Variants in TENM1 observed in about 807,000 individuals in gnomAD.
TENM1 encodes the protein teneurin transmembrane protein 1.
Under a neutral mutation model 174.8 loss-of-function variants are expected in TENM1, and 35 were observed. The observed-to-expected ratio is 0.20, with a 90% CI of 0.15 to 0.27. The LOEUF is 0.27. Ranked by LOEUF, TENM1 falls within the 10% of genes least tolerant of loss-of-function variation. TENM1 has a pLI of 1.00. For missense variants in TENM1, 1,633 were observed against 2,130.1 expected (o/e 0.77, Z 4.59); for synonymous variants, 781 against 798.7 (o/e 0.98, Z 0.37).
At chrX:124,819,848 C>T (rs1017553031) in intron 3 of TENM1, among the ~76,000 whole-genome samples, 1 of 107,180 alleles carries the variant, frequency 9.3e-6, no homozygotes, top group Non-Finnish European at 1.9e-5. Context: ...CTGGTTGGAG[C>T]GCAGTGGCAT....
At chrX:124,528,361 G>C (rs1216272921) in intron 16 of TENM1, among the ~76,000 whole-genome samples, 1 of 111,520 alleles carries the variant, frequency 9.0e-6, no homozygotes, top group African/African-American at 3.3e-5. Context: ...TTAGGTTCTT[G>C]TGTGAATATC....
chrX:124,496,850 G>T lies in TENM1; in HGVS notation c.3695+166C>A, dbSNP rs2047212384. On this transcript the variant is annotated intron_variant, in intron 20 of 31. Transcript: ENST00000422452. ...CTCAAAGGATCAATCCTTCAAGTAG[G>T]AAGAGTGAGCATGTTGACCTTTGTC... Among the ~76,000 whole-genome samples, 4 of 111,943 alleles carry T rather than the reference G, an allele frequency of 3.6e-5. 1 individual carries two copies. Among genetic ancestry groups the T allele is most frequent in the African/African-American group, 1.3e-4 (4 of 30,816 alleles).
intron 22 of TENM1, among the ~76,000 whole-genome samples, chrX:124,471,308 T>C (rs1359916700): frequency 2.7e-5 from 1 of 37,372 alleles, no homozygotes; most frequent in African/African-American, 1.2e-4. Flanking sequence ...TTATAATATA[T>C]AGTACTATAT....
chrX:124,968,081 G>T (rs1048566426), upstream of TENM1, among the ~76,000 whole-genome samples: 1 of 111,809 alleles, frequency 8.9e-6, no homozygotes, highest in Non-Finnish European at 1.9e-5. Flanking sequence ...AAATAAAAAT[G>T]GTTGCTGAGT....
intron 11 of TENM1, among the ~76,000 whole-genome samples, chrX:124,627,613 T>A (rs2050667401): frequency 8.9e-6 from 1 of 111,803 alleles, no homozygotes; most frequent in Non-Finnish European, 1.9e-5. Context: ...ACAGCACACA[T>A]GATTTTTTAA....
chrX:124,552,201 G>A (rs1036581072), intron 14 of TENM1, among the ~76,000 whole-genome samples: 1 of 111,660 alleles, frequency 9.0e-6, no homozygotes, highest in Non-Finnish European at 1.9e-5. Context: ...AAAATGGAAG[G>A]GCTGATCATT....
intron 3 of TENM1, among the ~76,000 whole-genome samples, chrX:124,818,787 C>A (rs1431656266): frequency 9.0e-6 from 1 of 110,877 alleles, no homozygotes; most frequent in Admixed American, 9.6e-5. Context: ...TGACTATAAC[C>A]CCATAGTGAG....
At chrX:124,379,304 TCTGC>T (rs1406356948) in exon 32 of TENM1, 1 of 112,229 alleles carries the variant, frequency 8.9e-6, no homozygotes, top group Non-Finnish European at 1.9e-5. Context: ...TAAAAATGAG[TCTGC>T]CTCTCTATAG....
chrX:124,590,427 T>C (rs948538100), intron 11 of TENM1, among the ~76,000 whole-genome samples: 6 of 109,930 alleles, frequency 5.5e-5, no homozygotes, highest in Admixed American at 2.9e-4. Flanking sequence ...TTACAAGGGA[T>C]GTGAAGGACC....
intron 4 of TENM1, among the ~76,000 whole-genome samples, chrX:124,709,764 A>G (rs1273379514): frequency 9.0e-6 from 1 of 110,931 alleles, no homozygotes. Context: ...CCTGGGCCCA[A>G]CAAATACTAT....
chrX:124,471,769 T>C (rs1256297484), intron 22 of TENM1, among the ~76,000 whole-genome samples: 1 of 96,422 alleles, frequency 1.0e-5, no homozygotes, highest in Non-Finnish European at 2.0e-5. Context: ...ACTTATATAA[T>C]ATACAATATA....
At chrX:124,683,593 C>A (rs1218318446) in intron 5 of TENM1, among the ~76,000 whole-genome samples, 1 of 111,819 alleles carries the variant, frequency 8.9e-6, no homozygotes, top group Non-Finnish European at 1.9e-5. Context: ...TCTGCAAAAT[C>A]TTTTTATAAT....
At chrX:124,577,506 T>C (rs941993566) in intron 11 of TENM1, among the ~76,000 whole-genome samples, 1 of 111,741 alleles carries the variant, frequency 8.9e-6, no homozygotes, top group Non-Finnish European at 1.9e-5. Flanking sequence ...TTTAAGACAT[T>C]TAGTTTTAAA....
intron 27 of TENM1, among the ~76,000 whole-genome samples, chrX:124,396,318 T>TTTTTTTTTTTTTTC (rs1569529045): frequency 9.8e-6 from 1 of 101,571 alleles, no homozygotes; most frequent in African/African-American, 3.7e-5. Flanking sequence ...TTTTTTTTTT[T>TTTTTTTTTTTTTTC]CGAGCCGGAG....
At chrX:124,605,624 T>C (rs1378028316) in intron 11 of TENM1, among the ~76,000 whole-genome samples, 1 of 111,739 alleles carries the variant, frequency 8.9e-6, no homozygotes, top group Non-Finnish European at 1.9e-5. Flanking sequence ...TGAGGACTAA[T>C]GTCACTTGTC....
At chrX:124,754,326 T>C (rs1333083402) in intron 3 of TENM1, among the ~76,000 whole-genome samples, 1 of 111,847 alleles carries the variant, frequency 8.9e-6, no homozygotes, top group Non-Finnish European at 1.9e-5. Context: ...GTGGGATTGG[T>C]GGTGACATCC....
At chrX:125,066,671 TTTA>T in the TENM1 span, among the ~76,000 whole-genome samples, 2 of 111,854 alleles carry the variant, frequency 1.8e-5, no homozygotes, top group African/African-American at 6.5e-5. Flanking sequence ...AAAATAATAT[TTTA>T]TTATTTTTTT....
At chrX:124,859,362 GT>G (rs1442875552) in intron 3 of TENM1, among the ~76,000 whole-genome samples, 5 of 108,911 alleles carry the variant, frequency 4.6e-5, no homozygotes, top group Admixed American at 2.0e-4. Flanking sequence ...GGCCAAGATG[GT>G]GAAACCCCAT....
the TENM1 span, among the ~76,000 whole-genome samples, chrX:125,021,553 G>T: frequency 0.092 from 10,241 of 111,008 alleles, 372 homozygotes; most frequent in South Asian, 0.2. Flanking sequence ...TGAAAACCAT[G>T]TCATGAATCT....
Sources: gnomAD v4.1 joint callset for allele counts (sites outside exome capture counted in the v4.1 genomes callset) on GRCh38, gnomAD v4.1.1 for gene constraint, MANE v1.5 for transcripts, NCBI Gene and HGNC (gene_info 2026-07-23, HGNC 2026-07-21) for gene names.